Variants in B3GALT1 observed in about 807,000 individuals in gnomAD.
B3GALT1 encodes beta-1,3-galactosyltransferase 1, also known as UDP-Gal:betaGlcNAc beta 1,3-galactosyltransferase, polypeptide 1.
B3GALT1 carries 10 observed loss-of-function variants against 23.2 expected under a neutral mutation model. That is an observed-to-expected ratio of 0.43 (90% CI 0.27 to 0.73). B3GALT1 has a LOEUF of 0.73. Ranked by LOEUF, B3GALT1 falls within the 30% of genes least tolerant of loss-of-function variation. B3GALT1 has a pLI of 0.21. For synonymous variants in B3GALT1, 156 were observed against 141.5 expected, an observed-to-expected ratio of 1.10 and a Z score of -0.73; for missense variants, 299 against 405.4, an observed-to-expected ratio of 0.74 and a Z score of 2.25.
At chr2:167,392,816 A>G (rs1430102094) in intron 1 of B3GALT1, among the ~76,000 whole-genome samples, 2 of 152,212 alleles carry the variant, frequency 1.3e-5, no homozygotes, top group East Asian at 3.8e-4. Context: ...TTTAATTTAC[A>G]TAAATCATTC....
At chr2:167,693,290 G>T (rs1265657899) in intron 3 of B3GALT1, among the ~76,000 whole-genome samples, 1 of 152,020 alleles carries the variant, frequency 6.6e-6, no homozygotes, top group Non-Finnish European at 1.5e-5. Flanking sequence ...AGAGATGTCA[G>T]CAGATGTTGC....
chr2:167,631,460 A>T (rs1034267772), intron 2 of B3GALT1: 1 of 151,844 alleles, frequency 6.6e-6, no homozygotes, highest in African/African-American at 2.4e-5. Context: ...TAGCAGGATA[A>T]CCCAATAGAT....
intron 1 of B3GALT1, among the ~76,000 whole-genome samples, chr2:167,381,312 T>A (rs1274387079): frequency 6.6e-6 from 1 of 152,208 alleles, no homozygotes; most frequent in East Asian, 1.9e-4. Context: ...CCTTCTGCCT[T>A]GGCCTCCCAA....
At chr2:167,357,018 A>G (rs1271274578) in intron 1 of B3GALT1, among the ~76,000 whole-genome samples, 3 of 150,788 alleles carry the variant, frequency 2.0e-5, no homozygotes, top group Admixed American at 6.6e-5. Flanking sequence ...CCCAGTTTGT[A>G]TGTGTGTGTG....
At chr2:167,525,786 T>TA (rs1039647743) in intron 2 of B3GALT1, among the ~76,000 whole-genome samples, 2 of 151,362 alleles carry the variant, frequency 1.3e-5, no homozygotes, top group Non-Finnish European at 2.9e-5. Flanking sequence ...TTTTTTTTTT[T>TA]TTTATTTTGT....
rs191133089 is a variant in B3GALT1 at position 167,735,672 on chromosome 2, G to A, written c.-351-83000G>A. Among the ~76,000 whole-genome samples the A allele has an allele frequency of 3.4e-3, 513 of 152,268 alleles. 3 individuals carry two copies. Among genetic ancestry groups the A allele is most frequent in the South Asian group, 6.8e-3 (33 of 4,826 alleles). ...AAGAATACAAGAGGGGTGGAGGACA[G>A]GAAGGAAATGAAATAATGCATAATG... On this transcript the variant is annotated intron_variant, in intron 3 of 4. Coordinates refer to ENST00000392690, the MANE Select transcript of B3GALT1 (RefSeq NM_020981.4).
intron 4 of B3GALT1, among the ~76,000 whole-genome samples, chr2:167,835,617 CAAA>C (rs1369586690): frequency 6.6e-6 from 1 of 152,232 alleles, no homozygotes; most frequent in Admixed American, 6.5e-5. Flanking sequence ...CACAGACAAA[CAAA>C]AAGACAGCAG....
chr2:167,487,827 C>G (rs1026227043), intron 1 of B3GALT1, among the ~76,000 whole-genome samples: 2 of 152,094 alleles, frequency 1.3e-5, no homozygotes, highest in African/African-American at 2.4e-5. Context: ...AATACTGCAC[C>G]TGTCACAAGC....
At position 167,869,231 on chromosome 2, in the gene B3GALT1, A is replaced by T. The variant is rs141683896; in HGVS notation, c.192A>T (p.Glu64Asp). The T allele has an allele frequency of 2.1e-3, 3,364 of 1,614,182 alleles. 3 individuals are homozygous for T. The highest frequency in any genetic ancestry group is 2.6e-3 in the Non-Finnish European group (3,060 of 1,180,026). The change falls in exon 5 of 5, where the codon GAA becomes GAT. Residue 64 changes from glutamate (E) to aspartate (D), a missense_variant. Glu to Asp is a conservative substitution (Grantham distance 45, BLOSUM62 2). Coordinates refer to ENST00000392690, the MANE Select transcript of B3GALT1 (RefSeq NM_020981.4). This position sits in a 1 kb window ranked among gnomAD's most constrained non-coding sequence, Gnocchi z 6.4. ...RTRPINPHSF[E>D]FLINEPNKCE... ...GACCTATCAACCCACATTCTTTTGA[A>T]TTTCTTATCAACGAGCCCAATAAAT... is the stretch of plus-strand genomic sequence containing the variant.
chr2:167,845,448 C>T (rs971042895), intron 4 of B3GALT1, among the ~76,000 whole-genome samples: 1 of 152,202 alleles, frequency 6.6e-6, no homozygotes, highest in Non-Finnish European at 1.5e-5. Context: ...CAGTACCAGC[C>T]TGTAGTCAGG....
intron 4 of B3GALT1, among the ~76,000 whole-genome samples, chr2:167,835,563 A>C (rs1213943943): frequency 6.6e-6 from 1 of 152,226 alleles, no homozygotes; most frequent in Non-Finnish European, 1.5e-5. Flanking sequence ...CCACAGCTCA[A>C]GGAGGGCTGC....
At chr2:167,655,115 T>C (rs1006468849) in intron 3 of B3GALT1, among the ~76,000 whole-genome samples, 12 of 152,188 alleles carry the variant, frequency 7.9e-5, no homozygotes, top group Non-Finnish European at 1.6e-4. Context: ...TTGATATTTT[T>C]TTACTATACT....
At chr2:167,639,842 C>T (rs1685621456) in intron 2 of B3GALT1, among the ~76,000 whole-genome samples, 1 of 152,046 alleles carries the variant, frequency 6.6e-6, no homozygotes, top group African/African-American at 2.4e-5. Flanking sequence ...TAACTGGCCC[C>T]TGCATATGGT....
intron 1 of B3GALT1, among the ~76,000 whole-genome samples, chr2:167,342,836 A>T (rs376770814): frequency 3.9e-5 from 6 of 152,110 alleles, no homozygotes; most frequent in South Asian, 2.1e-4. Flanking sequence ...GGCCATTATC[A>T]CAGTGTGTTA....
chr2:167,365,907 G>A (rs1357024069), intron 1 of B3GALT1, among the ~76,000 whole-genome samples: 3 of 152,226 alleles, frequency 2.0e-5, no homozygotes, highest in African/African-American at 7.2e-5. Flanking sequence ...AATTTATGTG[G>A]AAGGAAACTG....
chr2:167,358,512 G>A (rs1005704687), intron 1 of B3GALT1, among the ~76,000 whole-genome samples: 2 of 151,950 alleles, frequency 1.3e-5, no homozygotes, highest in African/African-American at 4.8e-5. Flanking sequence ...ATCCAATTTT[G>A]TTGAGCATGT....
At chr2:167,688,436 TAA>T (rs1325145307) in intron 3 of B3GALT1, among the ~76,000 whole-genome samples, 12 of 152,020 alleles carry the variant, frequency 7.9e-5, no homozygotes, top group Non-Finnish European at 1.2e-4. Context: ...GGCAAAAAAT[TAA>T]AAGTCTCATC....
At chr2:167,679,783 C>T (rs528091678) in intron 3 of B3GALT1, among the ~76,000 whole-genome samples, 1 of 152,352 alleles carries the variant, frequency 6.6e-6, no homozygotes, top group South Asian at 2.1e-4. Context: ...ATCTTCAAAA[C>T]ACTTAACTCA....
At chr2:167,786,373 C>G (rs935149307) in intron 3 of B3GALT1, among the ~76,000 whole-genome samples, 1 of 152,158 alleles carries the variant, frequency 6.6e-6, no homozygotes, top group Non-Finnish European at 1.5e-5. Context: ...ATTTGATTCT[C>G]TTTCAGAGAG....
Sources: gnomAD v4.1 joint callset for allele counts (sites outside exome capture counted in the v4.1 genomes callset) on GRCh38, gnomAD v4.1.1 for gene constraint, Gnocchi (gnomAD v3.1) non-coding constraint, MANE v1.5 for transcripts, NCBI Gene and HGNC (gene_info 2026-07-23, HGNC 2026-07-21) for gene names.